The following KDM4C variants were observed in gnomAD, a reference collection of about 807,000 sequenced individuals.
The protein encoded by KDM4C is lysine demethylase 4C.
Under a neutral mutation model 129.3 loss-of-function variants are expected in KDM4C, and 81 were observed. The observed-to-expected ratio is 0.63, with a 90% confidence interval of 0.52 to 0.75. KDM4C has a LOEUF of 0.75. KDM4C is among the 30% of genes least tolerant of loss of function. KDM4C has a pLI of 0.00. For synonymous variants in KDM4C, 573 were observed against 456.1 expected, an observed-to-expected ratio of 1.26 and a Z score of -3.26; for missense variants, 1,457 against 1,304.0, an observed-to-expected ratio of 1.12 and a Z score of -1.81.
At chr9:6,983,507 G>T (rs1242924713) in intron 9 of KDM4C, among the ~76,000 whole-genome samples, 3 of 151,634 alleles carry the variant, frequency 2.0e-5, no homozygotes, top group Non-Finnish European at 2.9e-5. Context: ...GAGGCAGTGG[G>T]GGAGGATCAC....
At chr9:6,926,852 C>T (rs1042101016) in intron 8 of KDM4C, among the ~76,000 whole-genome samples, 14 of 152,158 alleles carry the variant, frequency 9.2e-5, no homozygotes, top group African/African-American at 3.4e-4. Context: ...TCTGGCAATT[C>T]TTGACTGCAT....
intron 15 of KDM4C, among the ~76,000 whole-genome samples, chr9:7,032,639 G>A (rs920393296): frequency 6.6e-6 from 1 of 152,152 alleles, no homozygotes; most frequent in Non-Finnish European, 1.5e-5. Context: ...CTAATGAACC[G>A]GAGGGTGTTA....
intron 7 of KDM4C, among the ~76,000 whole-genome samples, chr9:6,889,211 T>TGTGTGTGTGTGTGTGTGTGTG (rs1845737956): frequency 1.6e-5 from 1 of 61,552 alleles, no homozygotes; most frequent in Non-Finnish European, 3.0e-5. Flanking sequence ...GGCCTTCTTT[T>TGTGTGTGTGTGTGTGTGTGTG]TGTGTGTGTG....
chr9:7,110,019 C>A (rs149546913), intron 18 of KDM4C, among the ~76,000 whole-genome samples: 2 of 152,284 alleles, frequency 1.3e-5, no homozygotes, highest in Non-Finnish European at 2.9e-5. Flanking sequence ...CCTCCCCAGC[C>A]ATGTGGAACT....
chr9:6,838,241 A>G (rs919312180), intron 4 of KDM4C, among the ~76,000 whole-genome samples: 3 of 152,168 alleles, frequency 2.0e-5, no homozygotes, highest in Admixed American at 2.0e-4. Context: ...GAATAAGACA[A>G]CTCAATATTA....
At chr9:7,093,566 G>A (rs1025510512) in intron 17 of KDM4C, among the ~76,000 whole-genome samples, 1 of 152,030 alleles carries the variant, frequency 6.6e-6, no homozygotes, top group Non-Finnish European at 1.5e-5. Context: ...ATTTTTCATT[G>A]TTCTTCATCT....
Position 6,737,304 on chromosome 9 carries a change from G to C in KDM4C, c.49+16307G>C, listed in dbSNP as rs138762163. Among the ~76,000 whole-genome samples, 1,172 of 151,894 alleles carry C rather than the reference G, an allele frequency of 7.7e-3. 16 individuals carry two copies. Among genetic ancestry groups the C allele is most frequent in the African/African-American group, 0.027 (1,112 of 41,440 alleles). On this transcript the variant is annotated intron_variant, in intron 1 of 17. Coordinates refer to the KDM4C transcript ENST00000536108. ...ATGCATCCAACAAAGGTCTAATATC[G>C]AGAATCCATAAGGAACTTAAACAAA...
intron 5 of KDM4C, among the ~76,000 whole-genome samples, chr9:6,861,210 T>G (rs1443389393): frequency 2.0e-5 from 3 of 152,218 alleles, no homozygotes; most frequent in Non-Finnish European, 4.4e-5. Flanking sequence ...TTATGTTCTG[T>G]TCTCATAGAA....
intron 17 of KDM4C, among the ~76,000 whole-genome samples, chr9:7,084,759 A>G (rs1345198283): frequency 6.6e-6 from 1 of 152,184 alleles, no homozygotes; most frequent in African/African-American, 2.4e-5. Flanking sequence ...CATGTAGTTG[A>G]TTATTTTCAT....
Position 7,103,724 on chromosome 9 carries a change from G to T in KDM4C, c.2464G>T (p.Gly822Ter). 1 of 1,613,946 alleles carries T rather than the reference G, an allele frequency of 6.2e-7. No homozygotes were observed. Among genetic ancestry groups the T allele is most frequent in the African/African-American group, 1.3e-5 (1 of 74,994 alleles). ...CAGACACCGGGTTAAGAGGGTCTCT[G>T]GAGCCTGCATCCAGTGTTCCTACGG... ...FCRHRVKRVS[G>*]ACIQCSYGRC... The change falls in exon 18 of 22, where the codon GGA (glycine) becomes TGA (stop). Residue 822 changes from glycine to a stop codon, truncating the protein, a stop_gained. Transcript: ENST00000381309. LOFTEE classifies it high-confidence loss of function.
intron 17 of KDM4C, among the ~76,000 whole-genome samples, chr9:7,098,368 G>A (rs1836692769): frequency 6.6e-6 from 1 of 152,158 alleles, no homozygotes; most frequent in Non-Finnish European, 1.5e-5. Context: ...AAAGCCATGA[G>A]ATAAATGGCT....
At chr9:7,138,454 C>G (rs1408877678) in intron 19 of KDM4C, among the ~76,000 whole-genome samples, 1 of 152,080 alleles carries the variant, frequency 6.6e-6, no homozygotes, top group East Asian at 1.9e-4. Flanking sequence ...ATGTTATATG[C>G]ATAGTTTTCA....
chr9:6,984,433 T>A, intron 10 of KDM4C, 29 bp downstream of exon 10: 1 of 1,419,596 alleles, frequency 7.0e-7, no homozygotes, highest in Non-Finnish European at 9.9e-7. Context: ...AGGTTTCACA[T>A]ATAAGTAGTA....
chr9:7,044,923 C>G (rs1485822546), intron 15 of KDM4C, among the ~76,000 whole-genome samples: 2 of 151,892 alleles, frequency 1.3e-5, no homozygotes, highest in East Asian at 3.9e-4. Flanking sequence ...GTCTAAGGGT[C>G]ATGGAAACCA....
intron 1 of KDM4C, among the ~76,000 whole-genome samples, chr9:6,748,429 C>T (rs1817954164): frequency 6.6e-6 from 1 of 151,532 alleles, no homozygotes; most frequent in Non-Finnish European, 1.5e-5. Context: ...ATCGCTTGAA[C>T]CTGGGAGGTG....
At chr9:6,938,934 C>G (rs137884255) in intron 8 of KDM4C, among the ~76,000 whole-genome samples, 1 of 152,158 alleles carries the variant, frequency 6.6e-6, no homozygotes, top group Middle Eastern at 3.4e-3. Context: ...TTACTCAAAG[C>G]AACATTGTAT....
At chr9:6,745,298 T>G (rs1008270018) in intron 1 of KDM4C, among the ~76,000 whole-genome samples, 1 of 152,070 alleles carries the variant, frequency 6.6e-6, no homozygotes, top group African/African-American at 2.4e-5. Flanking sequence ...TGTTATATTT[T>G]AAAACTGAGA....
intron 1 of KDM4C, among the ~76,000 whole-genome samples, chr9:6,788,374 G>C (rs1307627216): frequency 6.6e-6 from 1 of 152,214 alleles, no homozygotes; most frequent in East Asian, 1.9e-4. Context: ...GGCCACCCTT[G>C]TTCTTTAGCC....
At chr9:6,856,747 ATT>A (rs781673639) in intron 5 of KDM4C, among the ~76,000 whole-genome samples, 143 of 104,270 alleles carry the variant, frequency 1.4e-3, no homozygotes, top group Middle Eastern at 5.1e-3. Flanking sequence ...TAATTTTTGT[ATT>A]TTTTTTTTTT....
Sources: allele counts gnomAD v4.1 joint callset (sites outside exome capture counted in the v4.1 genomes callset), GRCh38; gene constraint gnomAD v4.1.1; transcripts MANE v1.5; gene names NCBI Gene and HGNC (gene_info 2026-07-23, HGNC 2026-07-21).